The following WWOX variants were observed in gnomAD, a reference collection of about 807,000 sequenced individuals.
WWOX encodes the protein WW domain containing oxidoreductase.
A neutral mutation model predicts 46.2 loss-of-function variants in WWOX; 69 were observed. That is an observed-to-expected ratio of 1.49 (90% CI 1.23 to 1.82). WWOX has a LOEUF of 1.82. Ranked by LOEUF, WWOX falls within the 40% of genes most tolerant of loss-of-function variation. The pLI is 0.00. For missense variants in WWOX, 919 were observed against 542.6 expected (o/e 1.69, Z -6.89); for synonymous variants, 359 against 202.6 (o/e 1.77, Z -6.56).
At chr16:78,127,464 A>G (rs2033408377) in intron 4 of WWOX, among the ~76,000 whole-genome samples, 1 of 150,822 alleles carries the variant, frequency 6.6e-6, no homozygotes, top group Non-Finnish European at 1.5e-5. Context: ...AACATTTTAG[A>G]ATTTTTTTGG....
chr16:78,344,548 C>G lies in WWOX; in HGVS notation c.517-42312C>G, dbSNP rs562748002. On this transcript the variant is annotated intron_variant, in intron 5 of 8. Transcript: ENST00000566780. The stretch of plus-strand genomic sequence containing the variant: ...ATTCACCTTTACCATGAATGGGAAT[C>G]TTTGCCTGTGACTCTATCGTGTGAA... Among the ~76,000 whole-genome samples, 22 of 120,982 alleles carry G rather than the reference C, an allele frequency of 1.8e-4. 8 individuals are homozygous for G. Among genetic ancestry groups the G allele is most frequent in the Non-Finnish European group, 4.0e-4 (20 of 50,612 alleles). 79.4% of individuals were successfully genotyped at this position (120,982 alleles called of 152,430 possible).
intron 8 of WWOX, among the ~76,000 whole-genome samples, chr16:78,795,204 C>T (rs185043402): frequency 3.9e-5 from 6 of 152,118 alleles, no homozygotes; most frequent in African/African-American, 9.6e-5. Flanking sequence ...AAGTGCTTTG[C>T]GGGCATTATG....
At chr16:78,592,515 G>A (rs963235425) in intron 8 of WWOX, among the ~76,000 whole-genome samples, 1 of 152,196 alleles carries the variant, frequency 6.6e-6, no homozygotes, top group Admixed American at 6.5e-5. Flanking sequence ...AGAGAATCAG[G>A]TGTATGAAGC....
intron 8 of WWOX, among the ~76,000 whole-genome samples, chr16:79,063,787 C>T (rs1386023915): frequency 1.3e-5 from 2 of 152,146 alleles, no homozygotes; most frequent in African/African-American, 4.8e-5. Context: ...GAAAATAGAG[C>T]AAACATCCAT....
intron 8 of WWOX, among the ~76,000 whole-genome samples, chr16:79,056,318 C>T (rs1165230402): frequency 2.0e-5 from 3 of 152,012 alleles, no homozygotes; most frequent in Admixed American, 6.6e-5. Context: ...AAAGTGAATT[C>T]TCATGACAAT....
chr16:78,390,742 C>G (rs919077045), intron 6 of WWOX, among the ~76,000 whole-genome samples: 1 of 152,174 alleles, frequency 6.6e-6, no homozygotes, highest in African/African-American at 2.4e-5. Context: ...ACATGTAACT[C>G]TATTCTTATC....
chr16:78,501,461 A>G (rs1264294851), intron 8 of WWOX, among the ~76,000 whole-genome samples: 1 of 151,184 alleles, frequency 6.6e-6, no homozygotes, highest in Non-Finnish European at 1.5e-5. Context: ...TAAAGTTCCA[A>G]CCTTTTTGCT....
intron 8 of WWOX, among the ~76,000 whole-genome samples, chr16:78,588,572 AG>A (rs1321317669): frequency 3.9e-5 from 6 of 152,176 alleles, no homozygotes; most frequent in Non-Finnish European, 8.8e-5. Context: ...AGCTGCCTGG[AG>A]GACCAGTTAG....
chr16:79,211,570 C>G (rs776641892), intron 8 of WWOX, 38 bp from the exon 9 acceptor site: 4 of 1,613,924 alleles, frequency 2.5e-6, no homozygotes, highest in African/African-American at 1.3e-5. Context: ...CACTCCTTTT[C>G]TTAAAATTTT....
At chr16:78,969,226 G>A (rs1187407737) in intron 8 of WWOX, among the ~76,000 whole-genome samples, 12 of 150,846 alleles carry the variant, frequency 8.0e-5, no homozygotes, top group African/African-American at 1.7e-4. Flanking sequence ...ACAAAGTCAA[G>A]AAAATAACAC....
At chr16:79,014,949 A>T (rs918184945) in intron 8 of WWOX, among the ~76,000 whole-genome samples, 7 of 152,306 alleles carry the variant, frequency 4.6e-5, no homozygotes, top group African/African-American at 1.7e-4. Flanking sequence ...GCTCTGTGAT[A>T]TGTAGGAGAA....
At chr16:78,323,360 C>G (rs1231222877) in intron 5 of WWOX, among the ~76,000 whole-genome samples, 1 of 152,186 alleles carries the variant, frequency 6.6e-6, no homozygotes, top group Non-Finnish European at 1.5e-5. Context: ...CAGCCTCAGC[C>G]TCCTAAAGTG....
At chr16:78,104,736 G>A (rs915109610) in intron 1 of WWOX, among the ~76,000 whole-genome samples, 1 of 151,962 alleles carries the variant, frequency 6.6e-6, no homozygotes, top group Admixed American at 6.6e-5. Flanking sequence ...GTCATTTAAG[G>A]TTATAATTAA....
At chr16:78,309,269 C>G (rs371753122) in intron 5 of WWOX, among the ~76,000 whole-genome samples, 4 of 152,174 alleles carry the variant, frequency 2.6e-5, no homozygotes, top group African/African-American at 7.2e-5. Context: ...TTGGTAGTTT[C>G]TCTGCGTTCA....
intron 5 of WWOX, among the ~76,000 whole-genome samples, chr16:78,192,701 A>G (rs2035921755): frequency 1.3e-5 from 2 of 152,090 alleles, no homozygotes; most frequent in Admixed American, 1.3e-4. Flanking sequence ...ATAATGGTGG[A>G]TATAGTCTCT....
chr16:78,544,250 C>G (rs1412012968), intron 8 of WWOX, among the ~76,000 whole-genome samples: 1 of 152,184 alleles, frequency 6.6e-6, no homozygotes, highest in Admixed American at 6.5e-5. Context: ...AATTGTAAAA[C>G]AGTAGATGTC....
chr16:78,824,804 C>G (rs2223108), intron 8 of WWOX, among the ~76,000 whole-genome samples: 5 of 151,914 alleles, frequency 3.3e-5, no homozygotes, highest in Non-Finnish European at 7.4e-5. Flanking sequence ...CTGGGAGATA[C>G]AATTCAAGTT....
intron 8 of WWOX, among the ~76,000 whole-genome samples, chr16:78,449,783 A>G (rs931624670): frequency 6.6e-6 from 1 of 152,202 alleles, no homozygotes; most frequent in Non-Finnish European, 1.5e-5. Flanking sequence ...ATTTGCTTTC[A>G]TGTTGCTTTA....
chr16:78,691,902 A>G (rs1311814128), intron 8 of WWOX, among the ~76,000 whole-genome samples: 1 of 152,176 alleles, frequency 6.6e-6, no homozygotes, highest in African/African-American at 2.4e-5. Context: ...TAATTGAATC[A>G]TGGGGCCCAG....
Sources: allele counts gnomAD v4.1 joint callset (sites outside exome capture counted in the v4.1 genomes callset), GRCh38; gene constraint gnomAD v4.1.1; transcripts MANE v1.5; gene names NCBI Gene and HGNC (gene_info 2026-07-23, HGNC 2026-07-21).